Variants in CCDC33 observed in about 807,000 individuals in gnomAD.
The protein encoded by CCDC33 is coiled-coil domain containing 33.
Under a neutral mutation model 91.9 loss-of-function variants are expected in CCDC33, and 94 were observed. The ratio of observed to expected loss-of-function variants is 1.02; its 90% CI spans 0.87 to 1.21. The LOEUF is 1.21. CCDC33 is among the 50% of genes most tolerant of loss of function. The pLI is 0.00. For synonymous variants in CCDC33, 396 were observed against 374.5 expected (o/e 1.06, Z -0.66); for missense variants, 940 against 935.5 (o/e 1.00, Z -0.06).
rs146153070 is a variant in CCDC33, at chr15:74,264,045, T to A, written c.319+1472T>A. Among the ~76,000 whole-genome samples, 1,182 of 152,134 alleles carry A rather than the reference T, an allele frequency of 7.8e-3. 13 individuals are homozygous for A. The highest frequency in any genetic ancestry group is 0.027 in the Admixed American group (419 of 15,290). On this transcript the variant is annotated intron_variant, in intron 3 of 18. Transcript: ENST00000398814. Reference sequence around the variant, plus strand: ...ATAAGGTCAGTGACCCCAGGGCCCATCTGTGCAGCAGAGAGAGGGGCAGGA... The same window carrying A: ...ATAAGGTCAGTGACCCCAGGGCCCAACTGTGCAGCAGAGAGAGGGGCAGGA...
At chr15:74,301,653 G>A (rs1311433144) in intron 11 of CCDC33, 2 of 152,334 alleles carry the variant, frequency 1.3e-5, no homozygotes, top group Non-Finnish European at 2.9e-5. Context: ...TGGGGAGGTG[G>A]TGGATAGGGG....
At chr15:74,242,206 A>C (rs561642304) in intron 1 of CCDC33, among the ~76,000 whole-genome samples, 2 of 152,342 alleles carry the variant, frequency 1.3e-5, no homozygotes, top group Non-Finnish European at 2.9e-5. Flanking sequence ...CCAAGTCCTC[A>C]TCTCCCCACT....
At chr15:74,249,948 A>G (rs984118102) in intron 2 of CCDC33, among the ~76,000 whole-genome samples, 5 of 151,718 alleles carry the variant, frequency 3.3e-5, no homozygotes, top group African/African-American at 1.2e-4. Context: ...ACATCTCTTG[A>G]TCTCGTCTAC....
At position 74,240,237 on chromosome 15, in the gene CCDC33, G is replaced by A. The variant is rs917156797; in HGVS notation, c.21+3497G>A. ...ATTCCCAGAAGGGAAGGCTGTCCCC[G>A]AGGGGAGGTGCAGGGGAGATAGAGG... is the stretch of plus-strand genomic sequence containing the variant. On this transcript the variant is annotated intron_variant, in intron 1 of 18. Transcript: ENST00000398814. 2.6e-5 allele frequency among the ~76,000 whole-genome samples: 4 copies of A among 152,244 alleles called. 1 individual carries two copies. The highest frequency in any genetic ancestry group is 1.9e-4 in the East Asian group (1 of 5,186).
chr15:74,207,726 T>C (rs1567203422), intron 1 of CCDC33: 9 of 1,535,666 alleles, frequency 5.9e-6, no homozygotes, highest in Non-Finnish European at 7.8e-6. Context: ...TGAGAGTCCA[T>C]GAATAAGCAG....
exon 2 of CCDC33, chr15:74,209,425 C>G: frequency 6.5e-7 from 1 of 1,535,636 alleles, no homozygotes; most frequent in Middle Eastern, 1.7e-4. Flanking sequence ...GGGGAACCAC[C>G]AGCTCGGCTC....
intron 1 of CCDC33, among the ~76,000 whole-genome samples, chr15:74,204,641 C>T (rs1413361963): frequency 6.6e-6 from 1 of 152,190 alleles, no homozygotes; most frequent in Non-Finnish European, 1.5e-5. Context: ...TATCAGAAAC[C>T]ATGCCCTTTG....
At chr15:74,311,864 A>C (rs2059999715) in intron 11 of CCDC33, 1 of 152,214 alleles carries the variant, frequency 6.6e-6, no homozygotes, top group South Asian at 2.1e-4. Context: ...CACACACTTT[A>C]CAGAGTGGTC....
At chr15:74,282,413 A>C (rs2059387657) in intron 10 of CCDC33, among the ~76,000 whole-genome samples, 1 of 152,066 alleles carries the variant, frequency 6.6e-6, no homozygotes, top group South Asian at 2.1e-4. Flanking sequence ...GGACGCCCAC[A>C]TGCCCCCTCA....
At chr15:74,328,478 T>C (rs1397979416) in intron 11 of CCDC33, among the ~76,000 whole-genome samples, 1 of 152,232 alleles carries the variant, frequency 6.6e-6, no homozygotes, top group Non-Finnish European at 1.5e-5. Flanking sequence ...GCTGGCCTGC[T>C]GATCTGGGCC....
At chr15:74,260,322 T>C (rs2075988248) in intron 2 of CCDC33, among the ~76,000 whole-genome samples, 1 of 152,120 alleles carries the variant, frequency 6.6e-6, no homozygotes, top group Admixed American at 6.5e-5. Context: ...ACTTTGCGGG[T>C]GTGAGGAGTC....
At chr15:74,240,978 G>C (rs144598318) in intron 1 of CCDC33, among the ~76,000 whole-genome samples, 6 of 152,136 alleles carry the variant, frequency 3.9e-5, no homozygotes, top group Non-Finnish European at 8.8e-5. Context: ...GCTGGGGAGT[G>C]GGGGGGTCAT....
chr15:74,334,808 C>A (rs929439079), intron 17 of CCDC33, among the ~76,000 whole-genome samples, 167 bp from the exon 18 acceptor site: 4 of 152,082 alleles, frequency 2.6e-5, no homozygotes, highest in Non-Finnish European at 4.4e-5. Context: ...TGTTTGGCCC[C>A]CTCACCCTCA....
intron 2 of CCDC33, among the ~76,000 whole-genome samples, chr15:74,229,815 A>G (rs2074911657): frequency 6.6e-6 from 1 of 152,220 alleles, no homozygotes; most frequent in Non-Finnish European, 1.5e-5. Context: ...TGCACCAGGC[A>G]ACATGCTGGG....
At chr15:74,254,362 A>G (rs1006758478) in intron 2 of CCDC33, among the ~76,000 whole-genome samples, 1 of 152,160 alleles carries the variant, frequency 6.6e-6, no homozygotes, top group Non-Finnish European at 1.5e-5. Context: ...GAAACCAGAA[A>G]TCCAAATGTT....
At chr15:74,267,257 C>T (rs578179762) in intron 4 of CCDC33, among the ~76,000 whole-genome samples, 1 of 152,318 alleles carries the variant, frequency 6.6e-6, no homozygotes, top group Admixed American at 6.5e-5. Flanking sequence ...AGCAAGTGAG[C>T]GGCAGAGTTG....
intron 11 of CCDC33, among the ~76,000 whole-genome samples, chr15:74,313,579 TC>T (rs1319986402): frequency 6.6e-6 from 1 of 151,894 alleles, no homozygotes; most frequent in Non-Finnish European, 1.5e-5. Flanking sequence ...GCCGCGATGC[TC>T]CGCTAATTTT....
Position 74,217,280 on chromosome 15 carries a change from CA to C in CCDC33, c.10del (p.Arg4GlyfsTer12), listed in dbSNP as rs1180899088. 4.7e-6 allele frequency: 6 copies of C among 1,271,142 alleles called. No individual in the cohort carries two copies. The African/African-American group carries it at 6.1e-5, about 13-fold the overall frequency. The allele number at this position is 1,271,142 out of a possible 1,614,324, so 78.7% of individuals were successfully genotyped here. ...TTGGTCTCTCAGTGGCCATGGCATT[CA>C]GGGGGCCTGAACCCTGGGTCTCTGC... is the stretch of plus-strand genomic sequence containing the variant. On this transcript the variant is annotated frameshift_variant, in exon 1 of 3. Coordinates refer to the CCDC33 transcript ENST00000635913. LOFTEE classifies it high-confidence loss of function.
At chr15:74,203,122 G>A in intron 1 of CCDC33, 3 of 985,606 alleles carry the variant, frequency 3.0e-6, no homozygotes, top group Non-Finnish European at 3.6e-6. Flanking sequence ...CTGGGGCTGG[G>A]CTGGGGCGGA....
Sources: allele counts gnomAD v4.1 joint callset (sites outside exome capture counted in the v4.1 genomes callset), GRCh38; gene constraint gnomAD v4.1.1; transcripts MANE v1.5; gene names NCBI Gene and HGNC (gene_info 2026-07-23, HGNC 2026-07-21).